BLTP3B: variants seen among roughly 807,000 people sequenced by gnomAD.
BLTP3B encodes UHRF1 (ICBP90) binding protein 1-like.
the BLTP3B span, among the ~76,000 whole-genome samples, chr12:100,139,124 T>C: frequency 6.6e-6 from 1 of 152,146 alleles, no homozygotes; most frequent in Non-Finnish European, 1.5e-5. Flanking sequence ...CCAACACACC[T>C]CCTTGTCCTC....
At chr12:100,088,887 A>C in the BLTP3B span, 1 of 1,483,828 alleles carries the variant, frequency 6.7e-7, no homozygotes, top group Non-Finnish European at 8.9e-7. Context: ...AAAAACCAAA[A>C]TAGTTTGAAA....
chr12:100,073,610 CA>C, the BLTP3B span, among the ~76,000 whole-genome samples: 1 of 151,920 alleles, frequency 6.6e-6, no homozygotes, highest in Non-Finnish European at 1.5e-5. Context: ...ATTGTAAATT[CA>C]GTCATACCTT....
the BLTP3B span, among the ~76,000 whole-genome samples, chr12:100,119,233 C>G: frequency 6.6e-6 from 1 of 152,100 alleles, no homozygotes; most frequent in East Asian, 1.9e-4. Flanking sequence ...ATAAATTTGT[C>G]AAAAGGTGTG....
At chr12:100,085,541 TTTTAAA>T in the BLTP3B span, among the ~76,000 whole-genome samples, 5 of 152,118 alleles carry the variant, frequency 3.3e-5, no homozygotes, top group African/African-American at 9.7e-5. Context: ...ATCATACAAC[TTTTAAA>T]TTTAATCAGG....
the BLTP3B span, chr12:100,051,203 G>C: frequency 6.2e-7 from 1 of 1,605,080 alleles, no homozygotes; most frequent in Non-Finnish European, 8.5e-7. Context: ...GTAATTTGTA[G>C]TTGAGTTCTT....
At chr12:100,061,821 A>G in the BLTP3B span, among the ~76,000 whole-genome samples, 3 of 152,224 alleles carry the variant, frequency 2.0e-5, no homozygotes, top group Admixed American at 1.3e-4. Context: ...TAAATATGTA[A>G]AAGAAATACA....
the BLTP3B span, among the ~76,000 whole-genome samples, chr12:100,104,519 T>A: frequency 6.9e-6 from 1 of 144,234 alleles, no homozygotes; most frequent in African/African-American, 2.8e-5. Context: ...CAGGTTCTTT[T>A]AAGTATCTTT....
the BLTP3B span, chr12:100,039,668 T>C: frequency 6.2e-7 from 1 of 1,614,150 alleles, no homozygotes; most frequent in Non-Finnish European, 8.5e-7. Context: ...CCCCTGGGCT[T>C]GTCTGAGTGG....
the BLTP3B span, chr12:100,037,475 T>G: frequency 6.9e-7 from 1 of 1,449,224 alleles, no homozygotes; most frequent in Non-Finnish European, 9.0e-7. Context: ...GTACTAATAC[T>G]TTCTAAACTG....
chr12:100,039,490 A>T, the BLTP3B span: 1 of 1,198,192 alleles, frequency 8.3e-7, no homozygotes, highest in Non-Finnish European at 1.1e-6. Context: ...AATAACAAGC[A>T]CTCGGTACAT....
chr12:100,059,016 C>T, the BLTP3B span: 3 of 1,614,104 alleles, frequency 1.9e-6, no homozygotes, highest in Non-Finnish European at 2.5e-6. Flanking sequence ...ACTAGATTCA[C>T]TTTGTGATGT....
the BLTP3B span, chr12:100,050,188 T>C: frequency 6.4e-7 from 1 of 1,554,978 alleles, no homozygotes; most frequent in African/African-American, 1.4e-5. Context: ...ATTACAAAGG[T>C]AATGCCGAAG....
the BLTP3B span, among the ~76,000 whole-genome samples, chr12:100,056,401 T>C: frequency 6.6e-6 from 1 of 152,158 alleles, no homozygotes; most frequent in Non-Finnish European, 1.5e-5. Context: ...TGCTTGGCAA[T>C]AAATGGTAGC....
the BLTP3B span, among the ~76,000 whole-genome samples, chr12:100,130,951 T>TACATAC: frequency 0.064 from 8,577 of 133,144 alleles, 722 homozygotes; most frequent in African/African-American, 0.2. Context: ...CATACATACA[T>TACATAC]ATATATATAT....
At chr12:100,135,507 G>C in the BLTP3B span, among the ~76,000 whole-genome samples, 1 of 151,966 alleles carries the variant, frequency 6.6e-6, no homozygotes, top group African/African-American at 2.4e-5. Context: ...GGCCTGAAGT[G>C]ATCTGCCCGC....
At chr12:100,097,276 C>T in the BLTP3B span, 3 of 1,350,326 alleles carry the variant, frequency 2.2e-6, no homozygotes, top group Non-Finnish European at 3.0e-6. Context: ...TTTAAAATTT[C>T]CTATAGTTAA....
At chr12:100,070,813 G>A in the BLTP3B span, among the ~76,000 whole-genome samples, 1 of 151,696 alleles carries the variant, frequency 6.6e-6, no homozygotes, top group Non-Finnish European at 1.5e-5. Context: ...GGCCAACAAG[G>A]AGAAAAGAAA....
At chr12:100,095,575 C>A in the BLTP3B span, 1 of 1,429,836 alleles carries the variant, frequency 7.0e-7, no homozygotes. Context: ...ACCTCACAAT[C>A]TGTCTCTTAA....
chr12:100,114,512 C>T, the BLTP3B span, among the ~76,000 whole-genome samples: 17 of 152,028 alleles, frequency 1.1e-4, no homozygotes, highest in African/African-American at 3.9e-4. Context: ...ACTGTGTGTC[C>T]CTACAAGGAT....
Sources: allele counts gnomAD v4.1 joint callset (sites outside exome capture counted in the v4.1 genomes callset), GRCh38; gene constraint gnomAD v4.1.1; transcripts MANE v1.5; gene names NCBI Gene and HGNC (gene_info 2026-07-23, HGNC 2026-07-21).